LRP1B: variants seen among roughly 807,000 people sequenced by gnomAD.
The protein encoded by LRP1B is LDL receptor related protein 1B.
Under a neutral mutation model 556.6 loss-of-function variants are expected in LRP1B, and 217 were observed. The observed-to-expected ratio is 0.39, with a 90% CI of 0.35 to 0.44. The LOEUF is 0.44. LRP1B is among the 20% of genes least tolerant of loss of function. The pLI is 1.00. For synonymous variants in LRP1B, 2,047 were observed against 1,865.8 expected, an observed-to-expected ratio of 1.10 and a Z score of -2.50; for missense variants, 5,053 against 5,620.8, an observed-to-expected ratio of 0.90 and a Z score of 3.23.
intron 1 of LRP1B, among the ~76,000 whole-genome samples, chr2:142,088,230 G>C (rs1706017727): frequency 6.6e-6 from 1 of 152,098 alleles, no homozygotes; most frequent in Non-Finnish European, 1.5e-5. Context: ...TAGAAGATAA[G>C]GATAGGGTCC....
intron 79 of LRP1B, among the ~76,000 whole-genome samples, chr2:140,329,925 G>T (rs905485282): frequency 6.6e-6 from 1 of 151,664 alleles, no homozygotes; most frequent in Non-Finnish European, 1.5e-5. Context: ...AAATTCATAT[G>T]GGCTGGGCTC....
chr2:141,281,872 A>T (rs892439087), intron 3 of LRP1B, among the ~76,000 whole-genome samples: 2 of 152,090 alleles, frequency 1.3e-5, no homozygotes, highest in Non-Finnish European at 2.9e-5. Flanking sequence ...AGATCACTTG[A>T]TCCTTCCAAG....
chr2:140,895,330 A>G (rs1379099070), intron 23 of LRP1B, among the ~76,000 whole-genome samples: 1 of 152,224 alleles, frequency 6.6e-6, no homozygotes, highest in Non-Finnish European at 1.5e-5. Flanking sequence ...CTGCCGAACA[A>G]ACAGCAATGG....
chr2:141,438,302 G>A (rs1280546229), intron 3 of LRP1B, among the ~76,000 whole-genome samples: 1 of 151,980 alleles, frequency 6.6e-6, no homozygotes, highest in Non-Finnish European at 1.5e-5. Context: ...TGTGTGTAAT[G>A]TGTGTGTGTT....
chr2:142,124,621 A>C (rs139602059), intron 1 of LRP1B, among the ~76,000 whole-genome samples: 1 of 151,962 alleles, frequency 6.6e-6, no homozygotes, highest in African/African-American at 2.4e-5. Context: ...CACTTTCAAT[A>C]TAGTAAATTC....
intron 1 of LRP1B, among the ~76,000 whole-genome samples, chr2:141,831,902 T>A (rs1313006575): frequency 6.6e-6 from 1 of 151,758 alleles, no homozygotes; most frequent in Non-Finnish European, 1.5e-5. Flanking sequence ...GTTTCATTGC[T>A]CAAGCCTCAC....
In LRP1B at chr2:141,816,791, A is replaced by T. The variant is rs994013107; in HGVS notation, c.83-6390T>A. Among the ~76,000 whole-genome samples the T allele has an allele frequency of 1.4e-4, 20 of 147,244 alleles. No individual in the cohort carries two copies. In the East Asian group the frequency reaches 3.6e-3, roughly 26 times the overall value. On this transcript the variant is annotated intron_variant, in intron 1 of 90. Transcript: ENST00000389484. ...AAATCCATCATGATTCAAAAATGACATTTTTTTTTTTCAGGAATAAGATAG... is the reference window on the plus strand; with the variant it reads ...AAATCCATCATGATTCAAAAATGACTTTTTTTTTTTTCAGGAATAAGATAG...
chr2:141,134,328 T>C lies in LRP1B; in HGVS notation c.1013+54093A>G, dbSNP rs141573283. On this transcript the variant is annotated intron_variant, in intron 7 of 90. Coordinates refer to ENST00000389484, the MANE Select transcript of LRP1B (RefSeq NM_018557.3). ...TATTTTAAAATGAAATCTAGTTATG[T>C]ATTTTCCCATCTAAAAGTCTTTGAT... Among the ~76,000 whole-genome samples, 417 of 152,042 alleles carry C rather than the reference T, an allele frequency of 2.7e-3. 1 individual carries two copies. Among genetic ancestry groups the C allele is most frequent in the Middle Eastern group, 0.014 (4 of 292 alleles).
chr2:141,955,044 A>G (rs1334304774), intron 1 of LRP1B, among the ~76,000 whole-genome samples: 1 of 152,138 alleles, frequency 6.6e-6, no homozygotes, highest in Non-Finnish European at 1.5e-5. Context: ...ATTGGAAAAG[A>G]CAACAGACTG....
At chr2:140,942,179 A>G (rs1205930447) in intron 20 of LRP1B, among the ~76,000 whole-genome samples, 2 of 152,168 alleles carry the variant, frequency 1.3e-5, no homozygotes, top group Non-Finnish European at 2.9e-5. Flanking sequence ...TAGACCAAGA[A>G]GAGGAAAGAA....
intron 83 of LRP1B, among the ~76,000 whole-genome samples, chr2:140,311,065 C>T (rs1043878244): frequency 6.6e-6 from 1 of 151,890 alleles, no homozygotes; most frequent in African/African-American, 2.4e-5. Flanking sequence ...AACACTTATA[C>T]GCTGTTGGTG....
intron 29 of LRP1B, among the ~76,000 whole-genome samples, chr2:140,842,210 T>C (rs115829028): frequency 1.6e-3 from 238 of 152,284 alleles, no homozygotes; most frequent in African/African-American, 5.6e-3. Context: ...GATTTTTTAA[T>C]GTGAAAGTGG....
chr2:142,058,407 GC>G (rs1704759120), intron 1 of LRP1B, among the ~76,000 whole-genome samples: 3 of 152,132 alleles, frequency 2.0e-5, no homozygotes, highest in African/African-American at 7.2e-5. Context: ...CGGGTATCCT[GC>G]TGTTCTTCCC....
chr2:141,289,829 G>A (rs1046103770), intron 3 of LRP1B, among the ~76,000 whole-genome samples: 2 of 152,150 alleles, frequency 1.3e-5, no homozygotes, highest in Non-Finnish European at 2.9e-5. Context: ...TAGAAAATCC[G>A]AATATTTGAG....
At chr2:140,595,882 A>G (rs1242916376) in intron 43 of LRP1B, among the ~76,000 whole-genome samples, 1 of 152,172 alleles carries the variant, frequency 6.6e-6, no homozygotes, top group Non-Finnish European at 1.5e-5. Context: ...TTTTTAAAGA[A>G]GTAAACTTCC....
At chr2:142,086,348 C>T (rs13012500) in intron 1 of LRP1B, among the ~76,000 whole-genome samples, 4,864 of 152,170 alleles carry the variant, frequency 0.032, 124 homozygotes, top group Non-Finnish European at 0.051. Context: ...AAACGGCTCA[C>T]GCCTGTAATC....
chr2:140,303,368 C>T (rs1455108700), intron 83 of LRP1B, among the ~76,000 whole-genome samples: 1 of 151,968 alleles, frequency 6.6e-6, no homozygotes, highest in Non-Finnish European at 1.5e-5. Flanking sequence ...CTGCCTCAGC[C>T]TCCTGAGTAG....
At chr2:141,173,788 C>A (rs1680611458) in intron 7 of LRP1B, among the ~76,000 whole-genome samples, 1 of 151,974 alleles carries the variant, frequency 6.6e-6, no homozygotes, top group African/African-American at 2.4e-5. Context: ...CACTGAAGCA[C>A]CAACTCAATC....
chr2:141,453,545 G>T (rs1439496915), intron 3 of LRP1B, among the ~76,000 whole-genome samples: 1 of 152,092 alleles, frequency 6.6e-6, no homozygotes, highest in Non-Finnish European at 1.5e-5. Flanking sequence ...TCTGTGTCAG[G>T]TGTTACATCT....
Sources: allele counts gnomAD v4.1 joint callset (sites outside exome capture counted in the v4.1 genomes callset), GRCh38; gene constraint gnomAD v4.1.1; transcripts MANE v1.5; gene names NCBI Gene and HGNC (gene_info 2026-07-23, HGNC 2026-07-21).